LRRC4C: variants seen among roughly 807,000 people sequenced by gnomAD.
The protein encoded by LRRC4C is leucine-rich repeat-containing protein 4C.
LRRC4C carries 5 observed loss-of-function variants against 33.6 expected under a neutral mutation model. The ratio of observed to expected loss-of-function variants is 0.15; its 90% CI spans 0.08 to 0.31. The LOEUF (loss-of-function observed/expected upper bound fraction) is 0.31, where lower values mean the gene tolerates loss of function less well. LRRC4C is among the 10% of genes least tolerant of loss of function. The pLI is 1.00. For synonymous variants in LRRC4C, 329 were observed against 302.0 expected (o/e 1.09, Z -0.93); for missense variants, 560 against 796.7 (o/e 0.70, Z 3.58).
chr11:40,598,302 G>A (rs1466616563), intron 3 of LRRC4C, among the ~76,000 whole-genome samples: 2 of 152,124 alleles, frequency 1.3e-5, no homozygotes, highest in African/African-American at 4.8e-5. Context: ...AACAAACAAA[G>A]AGCCTCAAAA....
chr11:40,715,366 C>T (rs531393474), intron 2 of LRRC4C, among the ~76,000 whole-genome samples: 61 of 152,212 alleles, frequency 4.0e-4, no homozygotes, highest in African/African-American at 1.4e-3. Context: ...TCAGCAAATC[C>T]TCAAAGTATA....
intron 2 of LRRC4C, among the ~76,000 whole-genome samples, chr11:40,916,189 A>C (rs1048170109): frequency 3.3e-5 from 5 of 152,228 alleles, no homozygotes; most frequent in African/African-American, 1.2e-4. Flanking sequence ...CAGTCATCCC[A>C]TTACTGGGTG....
intron 1 of LRRC4C, among the ~76,000 whole-genome samples, chr11:40,987,666 G>T (rs1421387771): frequency 0.13 from 2,728 of 21,390 alleles, 137 homozygotes; most frequent in Middle Eastern, 0.16. Context: ...ATATATATGA[G>T]ATATAAATGA....
intron 3 of LRRC4C, among the ~76,000 whole-genome samples, chr11:40,588,609 T>C (rs9735666): frequency 0.31 from 47,101 of 150,602 alleles, 7,492 homozygotes; most frequent in Middle Eastern, 0.37. Context: ...CTCTTGTGGG[T>C]ATTTAGTGCT....
intron 1 of LRRC4C, among the ~76,000 whole-genome samples, chr11:41,180,904 A>C (rs965293479): frequency 1.3e-5 from 2 of 151,736 alleles, no homozygotes; most frequent in Non-Finnish European, 2.9e-5. Flanking sequence ...TACACTAAGA[A>C]GTGATTAAAA....
At chr11:40,761,542 T>A (rs1949211587) in intron 2 of LRRC4C, among the ~76,000 whole-genome samples, 1 of 152,012 alleles carries the variant, frequency 6.6e-6, no homozygotes, top group Non-Finnish European at 1.5e-5. Context: ...AAAAAGAAAA[T>A]ATGGTCCTAG....
chr11:40,604,479 T>C (rs1960355053), intron 3 of LRRC4C, among the ~76,000 whole-genome samples: 1 of 152,126 alleles, frequency 6.6e-6, no homozygotes, highest in South Asian at 2.1e-4. Context: ...GTGAGAAAAT[T>C]CCTTCATGTC....
chr11:40,150,954 A>G (rs1313828038), intron 5 of LRRC4C, among the ~76,000 whole-genome samples: 1 of 152,152 alleles, frequency 6.6e-6, no homozygotes, highest in Non-Finnish European at 1.5e-5. Context: ...AAAAAATGCC[A>G]TCTGCCAACT....
Position 40,644,053 on chromosome 11 carries a change from T to C in LRRC4C, c.-270+4089A>G, listed in dbSNP as rs112236227. Reference sequence around the variant, plus strand: ...GCAAATGGACACCCAGCAAATGCCATAGACAATAAAATAAAATTTGACTTC... The same window carrying C: ...GCAAATGGACACCCAGCAAATGCCACAGACAATAAAATAAAATTTGACTTC... On this transcript the variant is annotated intron_variant, in intron 3 of 6. Coordinates refer to ENST00000528697, the MANE Select transcript of LRRC4C (RefSeq NM_001258419.2). 7.3e-4 allele frequency among the ~76,000 whole-genome samples: 111 copies of C among 152,230 alleles called. 1 individual carries two copies. Among genetic ancestry groups the C allele is most frequent in the African/African-American group, 2.1e-3 (89 of 41,546 alleles).
chr11:41,258,872 G>C lies in LRRC4C; in HGVS notation c.-496+200559C>G, dbSNP rs182021275. On this transcript the variant is annotated intron_variant, in intron 1 of 6. Coordinates refer to ENST00000528697, the MANE Select transcript of LRRC4C (RefSeq NM_001258419.2). ...GCTCTCAGAGCTGAGTTGTACTGGG[G>C]TGGCTGGTATGAAAATAATCCCCAC... Among the ~76,000 whole-genome samples, 330 of 152,070 alleles carry C rather than the reference G, an allele frequency of 2.2e-3. 2 individuals carry two copies. Among genetic ancestry groups the C allele is most frequent in the African/African-American group, 7.6e-3 (315 of 41,504 alleles).
In LRRC4C at chr11:40,886,883, ATGTG is replaced by A. The variant is rs144561789; in HGVS notation, c.-407+46748_-407+46751del. Among the ~76,000 whole-genome samples, 110 of 149,108 alleles carry A rather than the reference ATGTG, an allele frequency of 7.4e-4. 1 individual carries two copies. Among genetic ancestry groups the A allele is most frequent in the African/African-American group, 2.4e-3 (98 of 40,666 alleles). On this transcript the variant is annotated intron_variant, in intron 2 of 6. Coordinates refer to ENST00000528697, the MANE Select transcript of LRRC4C (RefSeq NM_001258419.2). The stretch of plus-strand genomic sequence containing the variant: ...AATACACAAGCAAATATGTTTATAT[ATGTG>A]TGTGTGTGTGTGTGTATATACACAC...
chr11:41,142,925 G>A (rs1270732776), intron 1 of LRRC4C, among the ~76,000 whole-genome samples: 6 of 152,136 alleles, frequency 3.9e-5, no homozygotes, highest in African/African-American at 1.4e-4. Flanking sequence ...ATTCTTTTCA[G>A]AGACCAAGAA....
chr11:40,513,742 A>G (rs1035939272), intron 3 of LRRC4C, among the ~76,000 whole-genome samples: 4 of 152,130 alleles, frequency 2.6e-5, no homozygotes, highest in South Asian at 2.1e-4. Flanking sequence ...TCTATTTCCT[A>G]TATCTTAGCA....
chr11:40,660,886 T>C (rs1943397977), intron 2 of LRRC4C, among the ~76,000 whole-genome samples: 1 of 152,206 alleles, frequency 6.6e-6, no homozygotes, highest in African/African-American at 2.4e-5. Flanking sequence ...CTTTGCAAAT[T>C]ATGTCCCAAC....
intron 1 of LRRC4C, among the ~76,000 whole-genome samples, chr11:41,151,427 G>C (rs1473639396): frequency 1.3e-5 from 2 of 152,174 alleles, no homozygotes; most frequent in Non-Finnish European, 2.9e-5. Context: ...GCCAGGACAG[G>C]CATCTATGTG....
intron 4 of LRRC4C, among the ~76,000 whole-genome samples, chr11:40,242,273 G>A (rs1047107547): frequency 6.6e-6 from 1 of 152,148 alleles, no homozygotes; most frequent in Non-Finnish European, 1.5e-5. Flanking sequence ...GCCGTTGAAT[G>A]AAGAGTGTGT....
intron 2 of LRRC4C, among the ~76,000 whole-genome samples, chr11:40,747,049 G>T (rs1591615444): frequency 6.6e-6 from 1 of 152,104 alleles, no homozygotes; most frequent in Admixed American, 6.5e-5. Context: ...GAATCATCCT[G>T]CCTTTACCAG....
intron 1 of LRRC4C, among the ~76,000 whole-genome samples, chr11:41,194,320 C>G (rs1207026091): frequency 6.6e-6 from 1 of 151,940 alleles, no homozygotes; most frequent in Non-Finnish European, 1.5e-5. Flanking sequence ...CTTCTAACCC[C>G]TATATTGTTC....
chr11:40,840,326 C>A (rs1447439993), intron 2 of LRRC4C, among the ~76,000 whole-genome samples: 1 of 152,120 alleles, frequency 6.6e-6, no homozygotes, highest in Non-Finnish European at 1.5e-5. Flanking sequence ...TTCATCCTAC[C>A]AACATTATTT....
Sources: allele counts gnomAD v4.1 joint callset (sites outside exome capture counted in the v4.1 genomes callset), GRCh38; gene constraint gnomAD v4.1.1; transcripts MANE v1.5; gene names NCBI Gene and HGNC (gene_info 2026-07-23, HGNC 2026-07-21).